Variants in DENND3 observed in about 807,000 individuals in gnomAD.
The protein encoded by DENND3 is DENN domain containing 3, also known as DENN domain-containing protein 3.
In DENND3, 88 loss-of-function variants were observed where a neutral mutation model predicts 135.1. The observed-to-expected ratio is 0.65, with a 90% CI of 0.55 to 0.78. DENND3 has a LOEUF of 0.78. DENND3 is among the 30% of genes least tolerant of loss of function. The probability of loss-of-function intolerance (pLI) is 0.00; values close to 1 mark genes in which losing one functional copy is unlikely to be tolerated. For missense variants in DENND3, 1,392 were observed against 1,688.4 expected (o/e 0.82, Z 3.08); for synonymous variants, 693 against 712.3 (o/e 0.97, Z 0.43).
chr8:141,192,989 G>A lies in DENND3; in HGVS notation c.3636+326G>A, dbSNP rs115618738. The stretch of plus-strand genomic sequence containing the variant: ...GCAGAGCCGCTTCCCTCGGGGGCTC[G>A]GGGGGAGCGTGCACTCCAGGCCCTT... On this transcript the variant is annotated intron_variant, in intron 22 of 22. Transcript: ENST00000519811. The A allele has an allele frequency of 2.7e-3, 2,755 of 1,033,146 alleles. 50 individuals are homozygous for A. The African/African-American group carries it at 0.04, about 15-fold the overall frequency. 64.0% of individuals were successfully genotyped at this position (1,033,146 alleles called of 1,614,324 possible). A position where few individuals can be genotyped will look rare whatever the true frequency, so the allele number is the denominator to read the frequency against.
Position 141,128,735 on chromosome 8 carries a change from T to G in DENND3, c.28T>G (p.Ser10Ala). ...GGCGGAGGCCGCGTCGCCGCACTTGTCGCTGCCCTCGGGGCTGCTGGAGCT... is the reference window on the plus strand; with the variant it reads ...GGCGGAGGCCGCGTCGCCGCACTTGGCGCTGCCCTCGGGGCTGCTGGAGCT... MAEAASPHL[S>A]LPSGLLELCA... Residue 10 changes from serine (S) to alanine (A), a missense_variant, in exon 1 of 23, where the codon TCG (serine) becomes GCG (alanine). Physicochemically the swap from Ser to Ala is moderately conservative, Grantham distance 99 (BLOSUM62 1). Coordinates refer to ENST00000519811, the MANE Select transcript of DENND3 (RefSeq NM_001352890.3). The surrounding 1 kb of genome is among the most constrained non-coding windows in gnomAD (Gnocchi z 4.5). 1 of 1,442,046 alleles carries G rather than the reference T, an allele frequency of 6.9e-7. No individual in the cohort carries two copies. Among genetic ancestry groups the G allele is most frequent in the Non-Finnish European group, 9.1e-7 (1 of 1,099,398 alleles). 89.3% of individuals were successfully genotyped at this position (1,442,046 alleles called of 1,614,324 possible).
rs777736145 is a variant in DENND3, at chr8:141,138,450, A to G, written c.501+313A>G. ...ATCCAGGCTGGAGTGCAGTGGCACC[A>G]TCTCAGCTCACTGCAACCTCCTTCT... On this transcript the variant is annotated intron_variant, in intron 3 of 22. Coordinates refer to ENST00000519811, the MANE Select transcript of DENND3 (RefSeq NM_001352890.3). The surrounding 1 kb of genome is among the most constrained non-coding windows in gnomAD (Gnocchi z 4.8). 1.4e-4 allele frequency among the ~76,000 whole-genome samples: 22 copies of G among 151,752 alleles called. No individual in the cohort carries two copies. The highest frequency in any genetic ancestry group is 2.9e-4 in the Non-Finnish European group (20 of 67,990).
At chr8:141,181,105 G>A (rs1026025395) in intron 17 of DENND3, among the ~76,000 whole-genome samples, 1 of 152,218 alleles carries the variant, frequency 6.6e-6, no homozygotes, top group Non-Finnish European at 1.5e-5. Context: ...GCCAGCACTT[G>A]AGCTCCCGCC....
chr8:141,164,383 C>G (rs1401643413), intron 10 of DENND3, among the ~76,000 whole-genome samples: 1 of 152,236 alleles, frequency 6.6e-6, no homozygotes, highest in East Asian at 1.9e-4. Context: ...TGAAGAGCCC[C>G]TTGATCCTTT....
rs755027774 is a variant in DENND3, at chr8:141,178,118, G to A, written c.2758G>A (p.Val920Ile). ...GACCAACGTCTTGCTGATGGACGCC[G>A]TCGTGGGCACACTGCAGTCACCAGG... ...ALTNVLLMDA[V>I]VGTLQSPGAI... is the part of the protein sequence containing the mutation. Residue 920 changes from valine to isoleucine, a missense_variant, in exon 16 of 23, where the codon GTC becomes ATC. Physicochemically the swap from Val to Ile is conservative, Grantham distance 29 (BLOSUM62 3). Transcript: ENST00000519811. The A allele has an allele frequency of 9.9e-6, 16 of 1,612,820 alleles. No homozygotes were observed. The highest frequency in any genetic ancestry group is 9.9e-5 in the South Asian group (9 of 91,070).
chr8:141,152,901 G>A (rs959248829), intron 7 of DENND3, among the ~76,000 whole-genome samples: 2 of 152,132 alleles, frequency 1.3e-5, no homozygotes, highest in Non-Finnish European at 1.5e-5. Context: ...TAACGTCCGC[G>A]CCAGCGCTGG....
chr8:141,151,773 T>A lies in DENND3; in HGVS notation c.1010T>A (p.Phe337Tyr). The A allele has an allele frequency of 6.2e-7, 1 of 1,614,212 alleles. No homozygotes were observed. The highest frequency in any genetic ancestry group is 8.5e-7 in the Non-Finnish European group (1 of 1,180,042). ...VPILSDQMLDFVMAPTSFLMG... is the reference protein window; with the variant it reads ...VPILSDQMLDYVMAPTSFLMG... ...ATCCTGTCGGACCAGATGCTGGATTTCGTCATGGCCCCCACGTCCTTCCTG... is the reference window on the plus strand; with the variant it reads ...ATCCTGTCGGACCAGATGCTGGATTACGTCATGGCCCCCACGTCCTTCCTG... Residue 337 changes from phenylalanine to tyrosine, a missense_variant, in exon 7 of 23, where the codon TTC becomes TAC. Transcript: ENST00000519811.
In DENND3 at chr8:141,178,174, C is replaced by T; in HGVS notation, c.2814C>T (p.Tyr938=). The change falls in exon 16 of 23, where the codon TAC becomes TAT. Residue 938 remains tyrosine (Y), a synonymous_variant. Coordinates refer to ENST00000519811, the MANE Select transcript of DENND3 (RefSeq NM_001352890.3). The part of the protein sequence containing the change: ...GAIYAASKLS[Y]FDKMSNEMPM... ...TCTACGCTGCCTCCAAGTTATCCTA[C>T]TTTGATAAGATGAGTAACGAAAGTA... The T allele has an allele frequency of 6.2e-7, 1 of 1,612,108 alleles. No homozygotes were observed. The highest frequency in any genetic ancestry group is 8.5e-7 in the Non-Finnish European group (1 of 1,178,168).
chr8:141,164,101 C>T (rs1051617872), intron 10 of DENND3, among the ~76,000 whole-genome samples: 11 of 152,250 alleles, frequency 7.2e-5, no homozygotes, highest in South Asian at 2.1e-4. Flanking sequence ...TCCCCGTAGA[C>T]GGCTGGCCCA....
At position 141,152,843 on chromosome 8, in the gene DENND3, C is replaced by T. The variant is rs117143958; in HGVS notation, c.1074+1006C>T. On this transcript the variant is annotated intron_variant, in intron 7 of 22. Coordinates refer to ENST00000519811, the MANE Select transcript of DENND3 (RefSeq NM_001352890.3). ...TGCTAAGCTGTTTTCGCAAAGCGGC[C>T]GTGCCGTTTTACACTCCCACCAGCA... Among the ~76,000 whole-genome samples the T allele has an allele frequency of 3.1e-3, 467 of 152,238 alleles. 5 individuals are homozygous for T. The South Asian group carries it at 0.044, about 14-fold the overall frequency.
In DENND3 at chr8:141,194,535, G is replaced by A. The variant is rs1665290476; in HGVS notation, c.*302G>A. On this transcript the variant is annotated 3_prime_UTR_variant, in exon 23 of 23. Transcript: ENST00000519811. Reference sequence around the variant, plus strand: ...GTTACTTTGTTGCCTAGAAAGTTCTGGAATCCACAACCAGGGGCTGGCACT... The same window carrying A: ...GTTACTTTGTTGCCTAGAAAGTTCTAGAATCCACAACCAGGGGCTGGCACT... 2 of 381,886 alleles carry A rather than the reference G, an allele frequency of 5.2e-6. No homozygotes were observed. Among genetic ancestry groups the A allele is most frequent in the South Asian group, 3.2e-5 (1 of 31,550 alleles). The allele number at this position is 381,886 out of a possible 1,614,324, so 23.7% of individuals were successfully genotyped here. A position where few individuals can be genotyped will look rare whatever the true frequency, so the allele number is the denominator to read the frequency against.
chr8:141,145,806 TATATA>T (rs1817961099), intron 5 of DENND3, among the ~76,000 whole-genome samples: 4 of 7,506 alleles, frequency 5.3e-4, no homozygotes, highest in South Asian at 4.0e-3. Flanking sequence ...TTGAATATTA[TATATA>T]TATATATATA....
At chr8:141,183,740 T>G (rs1259831025) in intron 17 of DENND3, among the ~76,000 whole-genome samples, 2 of 144,060 alleles carry the variant, frequency 1.4e-5, no homozygotes, top group Non-Finnish European at 1.5e-5. Flanking sequence ...TGTTTTGTTT[T>G]TTTTTTTTTT....
Position 141,194,648 on chromosome 8 carries a change from C to T in DENND3, c.*415C>T, listed in dbSNP as rs1021094838. On this transcript the variant is annotated 3_prime_UTR_variant, in exon 23 of 23. Coordinates refer to ENST00000519811, the MANE Select transcript of DENND3 (RefSeq NM_001352890.3). Reference sequence around the variant, plus strand: ...TCCTTACTTCATTCATTCACTCACCCAGTCCTTACGAATCACCGAGGAACA... The same window carrying T: ...TCCTTACTTCATTCATTCACTCACCTAGTCCTTACGAATCACCGAGGAACA... The T allele has an allele frequency of 5.2e-5, 11 of 210,750 alleles. No individual in the cohort carries two copies. In the South Asian group the frequency reaches 6.3e-4, roughly 12 times the overall value. 13.1% of individuals were successfully genotyped at this position (210,750 alleles called of 1,614,324 possible). A position where few individuals can be genotyped will look rare whatever the true frequency, so the allele number is the denominator to read the frequency against.
intron 4 of DENND3, chr8:141,142,223 G>C (rs1405883296): frequency 2.7e-6 from 1 of 377,044 alleles, no homozygotes; most frequent in African/African-American, 2.1e-5. Flanking sequence ...CAGTCCCAGT[G>C]GGCACTTGTG....
Position 141,128,688 on chromosome 8 carries a change from G to C in DENND3, c.-20G>C. The C allele has an allele frequency of 1.5e-6, 2 of 1,371,106 alleles. No individual in the cohort carries two copies. The highest frequency in any genetic ancestry group is 1.9e-6 in the Non-Finnish European group (2 of 1,062,824). The allele number at this position is 1,371,106 out of a possible 1,614,324, so 84.9% of individuals were successfully genotyped here. ...GCTGAGGCGCCCGAGTGCGGTACTG[G>C]CGGCGGGCGGCGGGCAGCCATGGCG... On this transcript the variant is annotated 5_prime_UTR_variant, in exon 1 of 23. Transcript: ENST00000519811. The surrounding 1 kb of genome is among the most constrained non-coding windows in gnomAD (Gnocchi z 4.5).
intron 9 of DENND3, among the ~76,000 whole-genome samples, chr8:141,162,783 G>A (rs1205192215): frequency 6.6e-6 from 1 of 152,212 alleles, no homozygotes; most frequent in Non-Finnish European, 1.5e-5. Context: ...GCATGGTGGT[G>A]TGTACCTGTA....
chr8:141,171,890 ATGCACAGTGGGTG>A (rs1230721061), intron 13 of DENND3, among the ~76,000 whole-genome samples: 1 of 149,464 alleles, frequency 6.7e-6, no homozygotes, highest in East Asian at 2.0e-4. Context: ...GGTGATGGGC[ATGCACAGTGGGTG>A]TGCACAGTGG....
At chr8:141,156,576 A>G (rs1819461356) in intron 8 of DENND3, among the ~76,000 whole-genome samples, 1 of 151,926 alleles carries the variant, frequency 6.6e-6, no homozygotes, top group African/African-American at 2.4e-5. Flanking sequence ...TCACTCATTC[A>G]TTCATTCATT....
Sources: gnomAD v4.1 joint callset for allele counts (sites outside exome capture counted in the v4.1 genomes callset) on GRCh38, gnomAD v4.1.1 for gene constraint, Gnocchi (gnomAD v3.1) non-coding constraint, MANE v1.5 for transcripts, NCBI Gene and HGNC (gene_info 2026-07-23, HGNC 2026-07-21) for gene names.